The following LRRC31 variants were observed in gnomAD, a reference collection of about 807,000 sequenced individuals.
LRRC31 encodes leucine rich repeat containing 31.
LRRC31 carries 35 observed loss-of-function variants against 46.7 expected under a neutral mutation model. The observed-to-expected ratio is 0.75, with a 90% CI of 0.57 to 0.99. The LOEUF is 0.99. LRRC31 is among the 50% of genes least tolerant of loss of function. The pLI, the probability that LRRC31 is intolerant of heterozygous loss-of-function variation, is 0.00. For missense variants in LRRC31, 613 were observed against 626.1 expected, an observed-to-expected ratio of 0.98 and a Z score of 0.22; for synonymous variants, 236 against 235.1, an observed-to-expected ratio of 1.00 and a Z score of -0.03.
At chr3:169,845,821 A>G (rs1037954915) in intron 8 of LRRC31, among the ~76,000 whole-genome samples, 6 of 152,168 alleles carry the variant, frequency 3.9e-5, no homozygotes, top group African/African-American at 1.4e-4. Flanking sequence ...AACACAAAAA[A>G]ACTCTATTCA....
chr3:169,859,220 G>A (rs1388438282), intron 3 of LRRC31, among the ~76,000 whole-genome samples: 4 of 144,694 alleles, frequency 2.8e-5, no homozygotes, highest in African/African-American at 1.0e-4. Flanking sequence ...ACTTGAACCT[G>A]GGAGGCAGAG....
At chr3:169,842,168 T>A (rs1345248574) in intron 8 of LRRC31, among the ~76,000 whole-genome samples, 1 of 152,102 alleles carries the variant, frequency 6.6e-6, no homozygotes, top group Non-Finnish European at 1.5e-5. Context: ...AAAATCTAGG[T>A]AGGGGAAATG....
At chr3:169,859,752 A>G (rs1781088312) in intron 3 of LRRC31, among the ~76,000 whole-genome samples, 1 of 152,202 alleles carries the variant, frequency 6.6e-6, no homozygotes, top group Admixed American at 6.5e-5. Flanking sequence ...ATTCTTTTGG[A>G]ATTGTAAAAG....
At chr3:169,855,958 G>A (rs999197101) in intron 5 of LRRC31, among the ~76,000 whole-genome samples, 39 of 152,080 alleles carry the variant, frequency 2.6e-4, no homozygotes, top group African/African-American at 7.5e-4. Flanking sequence ...TCGGCTCGCT[G>A]CAACCTCACC....
chr3:169,856,474 C>G lies in LRRC31; in HGVS notation c.685G>C (p.Glu229Gln), dbSNP rs767755339. The G allele has an allele frequency of 6.2e-7, 1 of 1,600,146 alleles. No individual in the cohort carries two copies. Among genetic ancestry groups the G allele is most frequent in the Non-Finnish European group, 8.5e-7 (1 of 1,174,020 alleles). ...GQLLPMLQSL[E>Q]VLDLSINRDI... ...CTGTTAATGGAAAGATCAAGTACTT[C>G]GAGACTTTGCAGCATAGGTAGCAGT... The change falls in exon 5 of 9, where the codon GAA (glutamate) becomes CAA (glutamine). Residue 229 changes from glutamate to glutamine, a missense_variant. Physicochemically the swap from Glu to Gln is conservative, Grantham distance 29. Coordinates refer to ENST00000316428, the MANE Select transcript of LRRC31 (RefSeq NM_024727.4).
intron 8 of LRRC31, among the ~76,000 whole-genome samples, chr3:169,840,932 G>A (rs1367999831): frequency 6.6e-6 from 1 of 152,198 alleles, no homozygotes; most frequent in Non-Finnish European, 1.5e-5. Context: ...TTCTGTAAGA[G>A]GAGGCAGGAG....
chr3:169,856,705 C>A lies in LRRC31; in HGVS notation c.655G>T (p.Gly219Cys). 2 of 1,561,600 alleles carry A rather than the reference C, an allele frequency of 1.3e-6. No individual in the cohort carries two copies. Among genetic ancestry groups the A allele is most frequent in the East Asian group, 4.6e-5 (2 of 43,420 alleles). The change falls in exon 4 of 9, where the codon GGT becomes TGT. Residue 219 changes from glycine to cysteine, a missense_variant and splice_region_variant. By Grantham distance (159) the Gly-to-Cys change is radical. Coordinates refer to ENST00000316428, the MANE Select transcript of LRRC31 (RefSeq NM_024727.4). ...TTTTTTCTCTTCAAATTCCACTTAC[C>A]CAGAAATGTCCCATCTTCTGACGTG... ...SLTSEDGTFL[G>C]QLLPMLQSLE...
At chr3:169,856,591 A>C (rs1434575325) in intron 4 of LRRC31, 88 bp from the exon 5 acceptor site, 1 of 1,336,962 alleles carries the variant, frequency 7.5e-7, no homozygotes, top group East Asian at 2.6e-5. Context: ...GTAAAACTCC[A>C]CTCCCCTCCT....
chr3:169,861,340 T>A (rs1257379797), intron 2 of LRRC31, among the ~76,000 whole-genome samples: 1 of 150,572 alleles, frequency 6.6e-6, no homozygotes, highest in African/African-American at 2.5e-5. Context: ...GTGCTGGGAT[T>A]ACAGGCGTGA....
intron 1 of LRRC31, among the ~76,000 whole-genome samples, chr3:169,865,392 T>TA (rs926537113): frequency 1.3e-5 from 2 of 152,132 alleles, no homozygotes; most frequent in Admixed American, 6.6e-5. Flanking sequence ...GGCGCATTAG[T>TA]AACCACACAG....
At position 169,860,639 on chromosome 3, in the gene LRRC31, G is replaced by T. The variant is rs1781123638; in HGVS notation, c.409C>A (p.Gln137Lys). The change falls in exon 3 of 9, where the codon CAA becomes AAA. Residue 137 changes from glutamine to lysine, a missense_variant. By Grantham distance (53) the Gln-to-Lys change is moderately conservative (BLOSUM62 1). Transcript: ENST00000316428. ...TTTAACTTGCTGACCAGATGCATTT[G>T]CTGAGTGATGGAAAGGAGGGTTCCA... The part of the protein sequence containing the change: ...VGGTLLSITQ[Q>K]MHLVSKLKIL... 1 of 1,614,130 alleles carries T rather than the reference G, an allele frequency of 6.2e-7. No homozygotes were observed. The highest frequency in any genetic ancestry group is 8.5e-7 in the Non-Finnish European group (1 of 1,179,994).
At position 169,869,877 on chromosome 3, in the gene LRRC31, GAAGAA is replaced by G. The variant is rs1781445008; in HGVS notation, c.-75_-71del. On this transcript the variant is annotated 5_prime_UTR_variant, in exon 1 of 9. Transcript: ENST00000316428. Reference sequence around the variant, plus strand: ...GCTTTCTGTTTTCTAGGATTTCTAAGAAGAAAAGAAGATTCTGTCAAGCCTGTGTT... The same window carrying G: ...GCTTTCTGTTTTCTAGGATTTCTAAGAAGAAGATTCTGTCAAGCCTGTGTT... 7.3e-7 allele frequency: 1 copy of G among 1,368,874 alleles called. No individual in the cohort carries two copies. Among genetic ancestry groups the G allele is most frequent in the Non-Finnish European group, 9.8e-7 (1 of 1,015,230 alleles). 84.8% of individuals were successfully genotyped at this position (1,368,874 alleles called of 1,614,324 possible). A position where few individuals can be genotyped will look rare whatever the true frequency, so the allele number is the denominator to read the frequency against.
chr3:169,852,545 TATA>T (rs1780819609), intron 6 of LRRC31, among the ~76,000 whole-genome samples: 1 of 152,196 alleles, frequency 6.6e-6, no homozygotes, highest in South Asian at 2.1e-4. Context: ...TGTTTGAAAT[TATA>T]ATTCTTTTCT....
intron 1 of LRRC31, among the ~76,000 whole-genome samples, chr3:169,865,249 C>CA (rs11310742): frequency 9.6e-4 from 128 of 133,766 alleles, no homozygotes; most frequent in Non-Finnish European, 1.1e-3. Context: ...GGCTCTATCT[C>CA]AAAAAAAAAA....
chr3:169,864,716 A>C (rs904934614), intron 1 of LRRC31, among the ~76,000 whole-genome samples: 1 of 152,186 alleles, frequency 6.6e-6, no homozygotes, highest in Non-Finnish European at 1.5e-5. Flanking sequence ...TTAAATATAA[A>C]TGTGAGTACT....
intron 5 of LRRC31, 96 bp from the exon 6 acceptor site, chr3:169,855,076 A>G: frequency 1.8e-6 from 2 of 1,081,396 alleles, no homozygotes; most frequent in Non-Finnish European, 2.7e-6. Flanking sequence ...GGATTGCTTG[A>G]GCCCCGGAGT....
Position 169,847,427 on chromosome 3 carries a change from C to T in LRRC31, c.1327+693G>A, listed in dbSNP as rs187950781. 2.9e-3 allele frequency among the ~76,000 whole-genome samples: 436 copies of T among 152,310 alleles called. 1 individual carries two copies. The highest frequency in any genetic ancestry group is 5.1e-3 in the Non-Finnish European group (345 of 68,034). ...CTTGAACTCCTGACCTCAAGTGATC[C>T]GCCAGCCTCGGCCTCCCAAAGCGTT... On this transcript the variant is annotated intron_variant, in intron 8 of 8. Transcript: ENST00000316428.
At chr3:169,851,851 G>T (rs1576788441) in intron 6 of LRRC31, 65 bp from the exon 7 acceptor site, 2 of 1,518,238 alleles carry the variant, frequency 1.3e-6, no homozygotes, top group African/African-American at 2.7e-5. Context: ...CTGGGTGTTT[G>T]GTTCCCACAA....
In LRRC31 at chr3:169,845,533, G is replaced by A. The variant is rs555811028; in HGVS notation, c.1327+2587C>T. On this transcript the variant is annotated intron_variant, in intron 8 of 8. Transcript: ENST00000316428. ...ACAGAGATCAATAGAACAGAACTGAGAGACCAGAAGTAGGCCATCACAAAT... is the reference window on the plus strand; with the variant it reads ...ACAGAGATCAATAGAACAGAACTGAAAGACCAGAAGTAGGCCATCACAAAT... 2.6e-5 allele frequency among the ~76,000 whole-genome samples: 4 copies of A among 152,280 alleles called. No individual in the cohort carries two copies. In the East Asian group the frequency reaches 7.7e-4, roughly 29 times the overall value.
Sources: gnomAD v4.1 joint callset for allele counts (sites outside exome capture counted in the v4.1 genomes callset) on GRCh38, gnomAD v4.1.1 for gene constraint, MANE v1.5 for transcripts, NCBI Gene and HGNC (gene_info 2026-07-23, HGNC 2026-07-21) for gene names.